The following ENTREP2 variants were observed in gnomAD, a reference collection of about 807,000 sequenced individuals.
ENTREP2 encodes the protein protein ENTREP2.
the ENTREP2 span, among the ~76,000 whole-genome samples, chr15:29,390,934 T>C: frequency 6.6e-6 from 1 of 152,172 alleles, no homozygotes; most frequent in African/African-American, 2.4e-5. Flanking sequence ...CAGCATTCAC[T>C]GTGTGTGGAA....
chr15:29,671,958 G>A, the ENTREP2 span, among the ~76,000 whole-genome samples: 1 of 152,210 alleles, frequency 6.6e-6, no homozygotes, highest in Non-Finnish European at 1.5e-5. Context: ...TCCAGGGGCT[G>A]GAAGGAGACG....
the ENTREP2 span, among the ~76,000 whole-genome samples, chr15:29,293,089 C>T: frequency 6.6e-6 from 1 of 152,238 alleles, no homozygotes. Context: ...CCAACATCCA[C>T]TGCTTAACAT....
At chr15:29,584,222 G>A in the ENTREP2 span, among the ~76,000 whole-genome samples, 1 of 152,248 alleles carries the variant, frequency 6.6e-6, no homozygotes, top group Admixed American at 6.5e-5. Flanking sequence ...CAGCTCAACA[G>A]TAAGGAAATA....
At chr15:29,415,146 A>T in the ENTREP2 span, among the ~76,000 whole-genome samples, 161 of 152,306 alleles carry the variant, frequency 1.1e-3, no homozygotes, top group African/African-American at 3.8e-3. Flanking sequence ...CCCCTAACTC[A>T]TTTTATGAGG....
the ENTREP2 span, among the ~76,000 whole-genome samples, chr15:29,183,356 G>A: frequency 1.3e-5 from 2 of 152,194 alleles, no homozygotes; most frequent in African/African-American, 2.4e-5. Context: ...CCAGGAGAGC[G>A]GGGATCCCTG....
At chr15:29,594,112 A>G in the ENTREP2 span, among the ~76,000 whole-genome samples, 1 of 152,200 alleles carries the variant, frequency 6.6e-6, no homozygotes, top group African/African-American at 2.4e-5. Flanking sequence ...TTAAAAAAAA[A>G]GGAAATAAAA....
At chr15:29,171,021 T>C in the ENTREP2 span, among the ~76,000 whole-genome samples, 2 of 152,204 alleles carry the variant, frequency 1.3e-5, no homozygotes, top group East Asian at 3.9e-4. Flanking sequence ...CTGAAGTGAG[T>C]GTGTGAGACA....
At chr15:29,319,581 A>G in the ENTREP2 span, among the ~76,000 whole-genome samples, 1 of 152,252 alleles carries the variant, frequency 6.6e-6, no homozygotes. Context: ...AAGGACATCC[A>G]GTTTCAGTTC....
chr15:29,123,491 T>C, the ENTREP2 span: 2 of 1,551,682 alleles, frequency 1.3e-6, no homozygotes, highest in Non-Finnish European at 1.7e-6. Context: ...ACCAAAACCC[T>C]GGCATCCGCA....
the ENTREP2 span, among the ~76,000 whole-genome samples, chr15:29,412,701 C>T: frequency 0.042 from 6,337 of 152,028 alleles, 459 homozygotes; most frequent in African/African-American, 0.14. Context: ...TTTGTACCTT[C>T]TTTTTTGTTC....
the ENTREP2 span, among the ~76,000 whole-genome samples, chr15:29,414,915 C>T: frequency 6.6e-6 from 1 of 152,148 alleles, no homozygotes; most frequent in Non-Finnish European, 1.5e-5. Context: ...TGGATAAATT[C>T]CTCGACACAT....
chr15:29,644,832 A>G, the ENTREP2 span, among the ~76,000 whole-genome samples: 2 of 151,502 alleles, frequency 1.3e-5, no homozygotes, highest in Admixed American at 6.6e-5. Context: ...AAAAAAGAAA[A>G]AAAAAGAAAG....
chr15:29,399,383 T>C, the ENTREP2 span, among the ~76,000 whole-genome samples: 9 of 152,116 alleles, frequency 5.9e-5, no homozygotes, highest in South Asian at 1.9e-3. Flanking sequence ...CTAATATATC[T>C]AGCTAATAAC....
At chr15:29,377,120 G>GA in the ENTREP2 span, among the ~76,000 whole-genome samples, 209 of 150,528 alleles carry the variant, frequency 1.4e-3, no homozygotes, top group African/African-American at 4.2e-3. Flanking sequence ...CCTCCAGGAA[G>GA]AAAAAAAAAC....
At chr15:29,150,279 C>T in the ENTREP2 span, among the ~76,000 whole-genome samples, 1 of 152,188 alleles carries the variant, frequency 6.6e-6, no homozygotes, top group African/African-American at 2.4e-5. Context: ...GCTCATGCCC[C>T]ACCCATCACA....
chr15:29,382,331 C>A, the ENTREP2 span, among the ~76,000 whole-genome samples: 8 of 152,064 alleles, frequency 5.3e-5, no homozygotes, highest in Non-Finnish European at 7.4e-5. Flanking sequence ...CCACGGGCCA[C>A]CTGGCCACCT....
the ENTREP2 span, among the ~76,000 whole-genome samples, chr15:29,526,758 C>G: frequency 6.6e-6 from 1 of 152,086 alleles, no homozygotes; most frequent in Non-Finnish European, 1.5e-5. Flanking sequence ...GTCTGAGCCA[C>G]TGTGCCCAGC....
chr15:29,506,978 C>G, the ENTREP2 span, among the ~76,000 whole-genome samples: 2 of 152,086 alleles, frequency 1.3e-5, no homozygotes, highest in Non-Finnish European at 2.9e-5. Context: ...GATAAAGAGT[C>G]AAGACCCATC....
chr15:29,237,858 C>T, the ENTREP2 span, among the ~76,000 whole-genome samples: 3 of 152,144 alleles, frequency 2.0e-5, no homozygotes, highest in East Asian at 1.9e-4. Flanking sequence ...AAGTGATATA[C>T]CCAAGAGAAA....
Sources: allele counts gnomAD v4.1 joint callset (sites outside exome capture counted in the v4.1 genomes callset), GRCh38; gene constraint gnomAD v4.1.1; transcripts MANE v1.5; gene names NCBI Gene and HGNC (gene_info 2026-07-23, HGNC 2026-07-21).